GOLGA4: variants seen among roughly 807,000 people sequenced by gnomAD.
GOLGA4 encodes golgin A4.
GOLGA4 carries 169 observed loss-of-function variants against 265.9 expected under a neutral mutation model. That is an observed-to-expected ratio of 0.64 (90% CI 0.56 to 0.72). The LOEUF is 0.72. Ranked by LOEUF, GOLGA4 falls within the 30% of genes least tolerant of loss-of-function variation. The pLI is 0.00. For synonymous variants in GOLGA4, 923 were observed against 855.8 expected (o/e 1.08, Z -1.37); for missense variants, 2,482 against 2,483.4 (o/e 1.00, Z 0.01).
intron 11 of GOLGA4, 131 bp from the exon 12 acceptor site, chr3:37,318,932 T>C: frequency 3.3e-6 from 2 of 598,714 alleles, no homozygotes; most frequent in South Asian, 2.9e-5. Flanking sequence ...GAAATGTGTT[T>C]TCTCTTAGGA....
At chr3:37,286,685 G>A (rs1578508357) in intron 4 of GOLGA4, among the ~76,000 whole-genome samples, 1 of 152,230 alleles carries the variant, frequency 6.6e-6, no homozygotes, top group East Asian at 1.9e-4. Context: ...CAGTCTACAG[G>A]TTGCTTCCTT....
At chr3:37,301,499 G>C (rs1046923086) in intron 9 of GOLGA4, among the ~76,000 whole-genome samples, 2 of 152,210 alleles carry the variant, frequency 1.3e-5, no homozygotes, top group African/African-American at 4.8e-5. Context: ...AATACTTGTA[G>C]TTTATTGTAG....
Position 37,294,996 on chromosome 3 carries a change from G to A in GOLGA4, c.600G>A (p.Gln200=). 6.2e-7 allele frequency: 1 copy of A among 1,607,374 alleles called. No individual in the cohort carries two copies. The highest frequency in any genetic ancestry group is 1.1e-5 in the South Asian group (1 of 90,134). Residue 200 remains glutamine, a synonymous_variant, in exon 6 of 24, where the codon CAG becomes CAA. Coordinates refer to ENST00000361924, the MANE Select transcript of GOLGA4 (RefSeq NM_002078.5). ...AELREELQMD[Q]QAKKHLQEEF... Reference sequence around the variant, plus strand: ...TGTTTTAGGAGCTCCAAATGGACCAGCAGGCAAAGAAACATCTGCAAGAGG... The same window carrying A: ...TGTTTTAGGAGCTCCAAATGGACCAACAGGCAAAGAAACATCTGCAAGAGG...
At chr3:37,296,010 C>T (rs1451463652) in intron 6 of GOLGA4, 77 bp from the exon 7 acceptor site, 4 of 1,320,326 alleles carry the variant, frequency 3.0e-6, no homozygotes, top group African/African-American at 2.9e-5. Context: ...AACCAATCCC[C>T]CACAGATACC....
intron 2 of GOLGA4, among the ~76,000 whole-genome samples, chr3:37,264,026 A>G (rs1319917493): frequency 6.6e-6 from 1 of 152,188 alleles, no homozygotes; most frequent in Non-Finnish European, 1.5e-5. Context: ...CTTTGAGATG[A>G]CTGTCAGTGG....
In GOLGA4 at chr3:37,326,209, A is replaced by G. The variant is rs762613734; in HGVS notation, c.4323A>G (p.Lys1441=). 42 of 1,613,534 alleles carry G rather than the reference A, an allele frequency of 2.6e-5. No homozygotes were observed. The highest frequency in any genetic ancestry group is 3.2e-5 in the Non-Finnish European group (38 of 1,179,620). ...AGCAGGTAGATGACTGGTCCAATAAATTCTCAGAATGGAAGAAGAAAGCAC... is the reference window on the plus strand; with the variant it reads ...AGCAGGTAGATGACTGGTCCAATAAGTTCTCAGAATGGAAGAAGAAAGCAC... ...ALEQVDDWSN[K]FSEWKKKAQS... The change falls in exon 14 of 24, where the codon AAA becomes AAG. Residue 1441 remains lysine (K), a synonymous_variant. Transcript: ENST00000361924.
chr3:37,291,396 A>G (rs914516440), intron 5 of GOLGA4, among the ~76,000 whole-genome samples: 21 of 152,152 alleles, frequency 1.4e-4, no homozygotes, highest in African/African-American at 4.8e-4. Context: ...GTAAGCACCC[A>G]TGTGATTGCC....
rs1242198620 is a variant in GOLGA4, at chr3:37,325,857, A to C, written c.3971A>C (p.Gln1324Pro). Residue 1324 changes from glutamine (Q) to proline (P), a missense_variant, in exon 14 of 24, where the codon CAG (glutamine) becomes CCG (proline). Around this residue, in one of 3 missense-constraint regions of GOLGA4, gnomAD observed 1,536 missense variants for 1,483.7 expected, o/e 1.04. Transcript: ENST00000361924. ...CTTGTAACAGAAAAAGAAGCCTTAC[A>C]GAAGGAAGGAGGCAATCAGCAACAG... is the stretch of plus-strand genomic sequence containing the variant. ...ESLVTEKEAL[Q>P]KEGGNQQQAA... 3 of 1,613,646 alleles carry C rather than the reference A, an allele frequency of 1.9e-6. No individual in the cohort carries two copies. Among genetic ancestry groups the C allele is most frequent in the Non-Finnish European group, 2.5e-6 (3 of 1,179,664 alleles).
At chr3:37,351,019 A>T (rs999826805) in intron 21 of GOLGA4, among the ~76,000 whole-genome samples, 1 of 152,044 alleles carries the variant, frequency 6.6e-6, no homozygotes, top group Non-Finnish European at 1.5e-5. Flanking sequence ...ATCAGTTGAC[A>T]CTTCCTTTCA....
intron 22 of GOLGA4, among the ~76,000 whole-genome samples, chr3:37,359,078 C>T (rs189961455): frequency 2.6e-5 from 4 of 152,236 alleles, no homozygotes; most frequent in Admixed American, 1.3e-4. Flanking sequence ...ATGCACATAC[C>T]AAATGCACAT....
intron 5 of GOLGA4, among the ~76,000 whole-genome samples, chr3:37,292,779 A>G (rs959810126): frequency 1.1e-4 from 17 of 152,232 alleles, no homozygotes; most frequent in Non-Finnish European, 2.9e-5. Flanking sequence ...TAGATCTAAG[A>G]AAATCTCTCC....
intron 8 of GOLGA4, 59 bp downstream of exon 8, chr3:37,299,079 C>T (rs2096886143): frequency 7.3e-7 from 1 of 1,376,760 alleles, no homozygotes; most frequent in Non-Finnish European, 1.0e-6. Context: ...CCACAGGCTC[C>T]ACAGCATGGC....
intron 23 of GOLGA4, among the ~76,000 whole-genome samples, chr3:37,364,519 G>A (rs1434601108): frequency 6.6e-6 from 1 of 152,008 alleles, no homozygotes; most frequent in African/African-American, 2.4e-5. Context: ...TGGGATTACA[G>A]GCGTGAGCCA....
chr3:37,318,820 A>G, intron 11 of GOLGA4, among the ~76,000 whole-genome samples: 1 of 151,510 alleles, frequency 6.6e-6, no homozygotes, highest in Non-Finnish European at 1.5e-5. Flanking sequence ...AGATGTGGAA[A>G]TGGAGTCTAT....
intron 16 of GOLGA4, among the ~76,000 whole-genome samples, chr3:37,334,756 TGAGC>T (rs2097003899): frequency 1.3e-5 from 2 of 152,174 alleles, no homozygotes; most frequent in South Asian, 4.2e-4. Flanking sequence ...AACAGCTTGA[TGAGC>T]TTTTTGGGAT....
chr3:37,353,162 A>C (rs562303931), intron 21 of GOLGA4, among the ~76,000 whole-genome samples: 31 of 152,196 alleles, frequency 2.0e-4, no homozygotes, highest in Non-Finnish European at 4.1e-4. Flanking sequence ...TACAGTGACC[A>C]TCATAACATC....
chr3:37,366,022 A>G, intron 23 of GOLGA4, 58 bp from the exon 24 acceptor site: 2 of 1,424,462 alleles, frequency 1.4e-6, no homozygotes, highest in South Asian at 2.5e-5. Flanking sequence ...AAGTCAACCT[A>G]AATGTTTTGG....
chr3:37,331,316 G>A (rs1343172604), intron 16 of GOLGA4, among the ~76,000 whole-genome samples: 2 of 152,156 alleles, frequency 1.3e-5, no homozygotes, highest in Non-Finnish European at 2.9e-5. Context: ...GGTAGCTAGT[G>A]CCTGCTGTAT....
At chr3:37,280,039 G>A (rs777513979) in intron 2 of GOLGA4, among the ~76,000 whole-genome samples, 4 of 152,084 alleles carry the variant, frequency 2.6e-5, no homozygotes, top group Non-Finnish European at 4.4e-5. Flanking sequence ...TAGAGTAACC[G>A]TTCAATCAAA....
Sources: gnomAD v4.1 joint callset for allele counts (sites outside exome capture counted in the v4.1 genomes callset) on GRCh38, gnomAD v4.1.1 for gene constraint, gnomAD v4.1.1 regional missense constraint, MANE v1.5 for transcripts, NCBI Gene and HGNC (gene_info 2026-07-23, HGNC 2026-07-21) for gene names.